The following NEGR1 variants were observed in gnomAD, a reference collection of about 807,000 sequenced individuals.
The protein encoded by NEGR1 is IgLON family member 4.
NEGR1 carries 10 observed loss-of-function variants against 40.9 expected under a neutral mutation model. That is an observed-to-expected ratio of 0.24 (90% confidence interval 0.15 to 0.42). The LOEUF is 0.42. NEGR1 is among the 10% of genes least tolerant of loss of function. The pLI is 1.00. For missense variants in NEGR1, 352 were observed against 438.9 expected, an observed-to-expected ratio of 0.80 and a Z score of 1.77; for synonymous variants, 185 against 166.8, an observed-to-expected ratio of 1.11 and a Z score of -0.84.
chr1:71,986,846 T>G (rs1209115129), intron 1 of NEGR1, among the ~76,000 whole-genome samples: 1 of 152,204 alleles, frequency 6.6e-6, no homozygotes, highest in African/African-American at 2.4e-5. Flanking sequence ...ACAGTTCTTC[T>G]GTCCCTTTTC....
chr1:71,827,983 A>G lies in NEGR1; in HGVS notation c.410-51686T>C, dbSNP rs545362693. Among the ~76,000 whole-genome samples, 20 of 152,112 alleles carry G rather than the reference A, an allele frequency of 1.3e-4. No individual in the cohort carries two copies. The East Asian group carries it at 3.7e-3, about 28-fold the overall frequency. On this transcript the variant is annotated intron_variant, in intron 2 of 6. Transcript: ENST00000357731. Reference sequence around the variant, plus strand: ...TTTCTTATAGATTCTGAAAGAATTCAATAATTTCTTTAAAACACATCTAAA... The same window carrying G: ...TTTCTTATAGATTCTGAAAGAATTCGATAATTTCTTTAAAACACATCTAAA...
At chr1:72,282,285 G>T (rs1270364834) in intron 1 of NEGR1, 34 bp downstream of exon 1, 9 of 1,610,814 alleles carry the variant, frequency 5.6e-6, no homozygotes, top group Non-Finnish European at 7.6e-6. Context: ...AAGATAGACC[G>T]AAACAAGTAC....
At chr1:71,444,226 G>T (rs1646566008) in intron 6 of NEGR1, among the ~76,000 whole-genome samples, 1 of 152,094 alleles carries the variant, frequency 6.6e-6, no homozygotes, top group Non-Finnish European at 1.5e-5. Flanking sequence ...GTTATGACCA[G>T]AAAATATTTT....
intron 6 of NEGR1, among the ~76,000 whole-genome samples, chr1:71,577,934 A>ACACTCTCTCTGAACTC (rs1649014875): frequency 1.3e-5 from 2 of 152,090 alleles, no homozygotes; most frequent in South Asian, 4.1e-4. Flanking sequence ...GTACTGATAC[A>ACACTCTCTCTGAACTC]CACTCTCTCT....
At chr1:71,521,394 A>G (rs998437823) in intron 6 of NEGR1, among the ~76,000 whole-genome samples, 2 of 152,014 alleles carry the variant, frequency 1.3e-5, no homozygotes, top group African/African-American at 4.8e-5. Context: ...TACCAGTGGA[A>G]TGAGATTTGT....
chr1:71,722,480 A>C (rs75247761), intron 3 of NEGR1, among the ~76,000 whole-genome samples: 4,777 of 152,204 alleles, frequency 0.031, 115 homozygotes, highest in African/African-American at 0.054. Context: ...GCTTCATATG[A>C]TAATACGTCA....
At chr1:72,102,387 G>T (rs11209911) in intron 1 of NEGR1, among the ~76,000 whole-genome samples, 1 of 151,948 alleles carries the variant, frequency 6.6e-6, no homozygotes. Flanking sequence ...TAAAAAAAGT[G>T]CCAATTTAGC....
chr1:72,012,353 G>A (rs1027542556), intron 1 of NEGR1, among the ~76,000 whole-genome samples: 2 of 152,000 alleles, frequency 1.3e-5, no homozygotes, highest in African/African-American at 2.4e-5. Flanking sequence ...GTGAGGCAGG[G>A]TTAACACACT....
chr1:72,175,959 G>C (rs1343539888), intron 1 of NEGR1, among the ~76,000 whole-genome samples: 2 of 146,210 alleles, frequency 1.4e-5, no homozygotes, highest in Non-Finnish European at 2.9e-5. Flanking sequence ...ATAATGTCAG[G>C]GAAGTGAAGA....
At chr1:72,162,222 C>T (rs540106368) in intron 1 of NEGR1, among the ~76,000 whole-genome samples, 6 of 151,638 alleles carry the variant, frequency 4.0e-5, no homozygotes, top group African/African-American at 9.7e-5. Flanking sequence ...GAGGCCGAGG[C>T]GGGTGGATCA....
intron 1 of NEGR1, among the ~76,000 whole-genome samples, chr1:72,107,283 A>G (rs569008251): frequency 6.6e-6 from 1 of 151,808 alleles, no homozygotes; most frequent in South Asian, 2.1e-4. Context: ...ACTTCATGGT[A>G]AGTCCTATTT....
intron 3 of NEGR1, among the ~76,000 whole-genome samples, chr1:71,773,485 A>G (rs114672828): frequency 0.022 from 3,304 of 152,308 alleles, 44 homozygotes; most frequent in Admixed American, 0.036. Context: ...CAAAATACAA[A>G]GAGATCAATG....
At chr1:72,272,982 C>T (rs1320181398) in intron 1 of NEGR1, among the ~76,000 whole-genome samples, 1 of 151,890 alleles carries the variant, frequency 6.6e-6, no homozygotes, top group African/African-American at 2.4e-5. Context: ...ATTAAGAGAC[C>T]AATTCCCATG....
intron 1 of NEGR1, among the ~76,000 whole-genome samples, chr1:72,010,931 C>T (rs1171686496): frequency 1.3e-5 from 2 of 151,990 alleles, no homozygotes; most frequent in East Asian, 3.9e-4. Flanking sequence ...ACCTGAGATC[C>T]CTTGTTATAA....
intron 6 of NEGR1, among the ~76,000 whole-genome samples, chr1:71,579,197 C>T (rs1649051443): frequency 6.6e-6 from 1 of 152,168 alleles, no homozygotes; most frequent in South Asian, 2.1e-4. Context: ...CTGTCCACTT[C>T]ACCTGTAATT....
chr1:72,213,632 G>A (rs917404577), intron 1 of NEGR1, among the ~76,000 whole-genome samples: 2 of 151,714 alleles, frequency 1.3e-5, no homozygotes, highest in African/African-American at 4.8e-5. Context: ...GGTCAACCCA[G>A]AAGTCCCAAA....
At chr1:71,531,639 C>G (rs529196593) in intron 6 of NEGR1, among the ~76,000 whole-genome samples, 2 of 151,256 alleles carry the variant, frequency 1.3e-5, no homozygotes, top group East Asian at 3.9e-4. Flanking sequence ...CTTTGAGAGA[C>G]TAACCCCTGT....
intron 6 of NEGR1, among the ~76,000 whole-genome samples, chr1:71,539,438 C>A (rs901789386): frequency 6.6e-6 from 1 of 151,668 alleles, no homozygotes; most frequent in African/African-American, 2.4e-5. Context: ...CTGCACTCGG[C>A]CACCAAAATT....
At chr1:72,111,112 G>GTATATATA (rs1159781552) in intron 1 of NEGR1, among the ~76,000 whole-genome samples, 1 of 135,202 alleles carries the variant, frequency 7.4e-6, no homozygotes, top group Non-Finnish European at 1.6e-5. Flanking sequence ...ACACACACAC[G>GTATATATA]TATATATATA....
Sources: gnomAD v4.1 joint callset for allele counts (sites outside exome capture counted in the v4.1 genomes callset) on GRCh38, gnomAD v4.1.1 for gene constraint, MANE v1.5 for transcripts, NCBI Gene and HGNC (gene_info 2026-07-23, HGNC 2026-07-21) for gene names.